NUP153: variants seen among roughly 807,000 people sequenced by gnomAD.
NUP153 encodes the protein nucleoporin 153, also known as nuclear pore complex protein Nup153.
A neutral mutation model predicts 134.6 loss-of-function variants in NUP153; 27 were observed. The observed-to-expected ratio is 0.20, with a 90% confidence interval of 0.15 to 0.28. The LOEUF is 0.28. Ranked by LOEUF, NUP153 falls within the 10% of genes least tolerant of loss-of-function variation. The pLI, the probability that NUP153 is intolerant of heterozygous loss-of-function variation, is 1.00. For synonymous variants in NUP153, 640 were observed against 623.5 expected, an observed-to-expected ratio of 1.03 and a Z score of -0.40; for missense variants, 1,821 against 1,731.3, an observed-to-expected ratio of 1.05 and a Z score of -0.92.
intron 2 of NUP153, among the ~76,000 whole-genome samples, chr6:17,681,136 T>C (rs546273237): frequency 1.9e-4 from 29 of 151,818 alleles, no homozygotes; most frequent in African/African-American, 6.5e-4. Context: ...TAGATGGAAC[T>C]GCAGAACATC....
At chr6:17,704,607 G>T (rs1770353019) in intron 1 of NUP153, among the ~76,000 whole-genome samples, 1 of 151,986 alleles carries the variant, frequency 6.6e-6, no homozygotes, top group South Asian at 2.1e-4. Flanking sequence ...GGGGAAAACT[G>T]GTGGGAGTAG....
Position 17,624,747 on chromosome 6 carries a change from T to G in NUP153, c.3988A>C (p.Ser1330Arg). 1 of 1,614,176 alleles carries G rather than the reference T, an allele frequency of 6.2e-7. No individual in the cohort carries two copies. The highest frequency in any genetic ancestry group is 2.2e-5 in the East Asian group (1 of 44,878). The part of the protein sequence containing the change: ...GANQTPTFGQ[S>R]QGASQPNPPG... ...GGATTGGGCTGGCTGGCACCTTGACTTTGTCCAAATGTTGGGGTCTGGTTA... is the reference window on the plus strand; with the variant it reads ...GGATTGGGCTGGCTGGCACCTTGACGTTGTCCAAATGTTGGGGTCTGGTTA... Residue 1330 changes from serine to arginine, a missense_variant, in exon 20 of 22, where the codon AGT becomes CGT. Ser to Arg is a moderately radical substitution (Grantham distance 110, BLOSUM62 -1). Coordinates refer to ENST00000262077, the MANE Select transcript of NUP153 (RefSeq NM_005124.4).
intron 1 of NUP153, among the ~76,000 whole-genome samples, chr6:17,702,691 G>A (rs548632393): frequency 2.6e-5 from 4 of 151,676 alleles, no homozygotes; most frequent in Admixed American, 1.3e-4. Context: ...AAAGAAAGGA[G>A]AAAAGAAAAA....
chr6:17,637,016 A>T, intron 16 of NUP153, 137 bp downstream of exon 16: 1 of 830,138 alleles, frequency 1.2e-6, no homozygotes, highest in South Asian at 1.9e-5. Context: ...AGACATTTTT[A>T]CCTCAAGATA....
chr6:17,669,381 T>C (rs774116743), intron 6 of NUP153, 44 bp from the exon 7 acceptor site: 9 of 1,597,204 alleles, frequency 5.6e-6, no homozygotes, highest in Admixed American at 1.7e-5. Context: ...TTTTCAATAA[T>C]ATCAAGTTTT....
At chr6:17,670,262 G>A (rs1021916147) in intron 5 of NUP153, among the ~76,000 whole-genome samples, 8 of 152,044 alleles carry the variant, frequency 5.3e-5, no homozygotes, top group Non-Finnish European at 8.8e-5. Context: ...ATATATGGGA[G>A]AATAAACAGG....
intron 11 of NUP153, among the ~76,000 whole-genome samples, chr6:17,660,452 T>C (rs1313382526): frequency 6.6e-6 from 1 of 152,086 alleles, no homozygotes; most frequent in African/African-American, 2.4e-5. Flanking sequence ...GAGCAATATA[T>C]AGACAGAAAG....
At position 17,625,904 on chromosome 6, in the gene NUP153, C is replaced by G. The variant is rs866183953; in HGVS notation, c.3805G>C (p.Ala1269Pro). The change falls in exon 19 of 22, where the codon GCT (alanine) becomes CCT (proline). Residue 1269 changes from alanine to proline, a missense_variant. Physicochemically the swap from Ala to Pro is conservative, Grantham distance 27. Coordinates refer to ENST00000262077, the MANE Select transcript of NUP153 (RefSeq NM_005124.4). The surrounding 1 kb of genome is among the most constrained non-coding windows in gnomAD (Gnocchi z 4.7). Reference sequence around the variant, plus strand: ...GGACCAAAGACAAATGGGGTGACAGCTGTACCTGTGCTGGATGTGGTTGCT... The same window carrying G: ...GGACCAAAGACAAATGGGGTGACAGGTGTACCTGTGCTGGATGTGGTTGCT... ...KLATTSSTGT[A>P]VTPFVFGPGA... The G allele has an allele frequency of 6.2e-7, 1 of 1,614,190 alleles. No homozygotes were observed.
intron 2 of NUP153, among the ~76,000 whole-genome samples, chr6:17,679,758 A>T (rs562903995): frequency 6.6e-6 from 1 of 152,304 alleles, no homozygotes; most frequent in African/African-American, 2.4e-5. Context: ...ACACATGCTA[A>T]CCCTGAGGCT....
intron 2 of NUP153, among the ~76,000 whole-genome samples, chr6:17,682,045 T>C (rs566622968): frequency 2.0e-5 from 3 of 152,138 alleles, no homozygotes; most frequent in Middle Eastern, 3.4e-3. Context: ...TCACGTCTAC[T>C]AAAAATTTTT....
chr6:17,677,068 G>C (rs1000330326), intron 2 of NUP153, among the ~76,000 whole-genome samples: 27 of 152,226 alleles, frequency 1.8e-4, no homozygotes, highest in Admixed American at 1.6e-3. Context: ...TGTACCAAAA[G>C]GTTCGCCCTT....
intron 8 of NUP153, among the ~76,000 whole-genome samples, chr6:17,666,748 T>C (rs187830444): frequency 2.0e-5 from 3 of 152,306 alleles, no homozygotes; most frequent in Admixed American, 6.5e-5. Flanking sequence ...AACTGAAACA[T>C]AGTAAAAATC....
At position 17,629,175 on chromosome 6, in the gene NUP153, T is replaced by C. The variant is rs768947158; in HGVS notation, c.3024A>G (p.Glu1008=). Residue 1008 remains glutamate, a synonymous_variant, in exon 18 of 22, where the codon GAA becomes GAG. Coordinates refer to ENST00000262077, the MANE Select transcript of NUP153 (RefSeq NM_005124.4). The part of the protein sequence containing the change: ...FQFGVSNLGQ[E]EKKEELPKSS... The stretch of plus-strand genomic sequence containing the variant: ...ATTTGGGCAGTTCCTCTTTCTTTTC[T>C]TCCTGTCCAAGATTAGATACCCCAA... The C allele has an allele frequency of 3.7e-6, 6 of 1,613,290 alleles. No individual in the cohort carries two copies. Among genetic ancestry groups the C allele is most frequent in the South Asian group, 1.1e-5 (1 of 90,816 alleles).
At chr6:17,694,988 A>G (rs1305465673) in intron 1 of NUP153, among the ~76,000 whole-genome samples, 1 of 151,816 alleles carries the variant, frequency 6.6e-6, no homozygotes, top group Non-Finnish European at 1.5e-5. Flanking sequence ...CAAGGAAAAA[A>G]AAAAAGAGAG....
At chr6:17,673,870 G>A (rs187466843) in intron 5 of NUP153, among the ~76,000 whole-genome samples, 1 of 152,258 alleles carries the variant, frequency 6.6e-6, no homozygotes, top group African/African-American at 2.4e-5. Context: ...GTATTTACCT[G>A]AGATGAAAAT....
intron 2 of NUP153, among the ~76,000 whole-genome samples, chr6:17,682,954 C>G (rs1435032610): frequency 6.7e-6 from 1 of 148,262 alleles, no homozygotes; most frequent in African/African-American, 2.5e-5. Flanking sequence ...ACTTTCTTTG[C>G]GCATCCACAA....
chr6:17,674,974 A>G lies in NUP153; in HGVS notation c.783T>C (p.Pro261=). The G allele has an allele frequency of 6.2e-7, 1 of 1,613,652 alleles. No homozygotes were observed. Among genetic ancestry groups the G allele is most frequent in the Non-Finnish European group, 8.5e-7 (1 of 1,179,696 alleles). Residue 261 remains proline, a synonymous_variant, in exon 5 of 22, where the codon CCT becomes CCC. Coordinates refer to ENST00000262077, the MANE Select transcript of NUP153 (RefSeq NM_005124.4). ...CTGCCCCACCGTATGTTGTTTTTCC[A>G]GGATAAAAAGGAGAATCTCCAAGCT... ...TSQLGDSPFY[P]GKTTYGGAAA...
chr6:17,670,418 T>C (rs1232094403), intron 5 of NUP153, among the ~76,000 whole-genome samples: 1 of 152,172 alleles, frequency 6.6e-6, no homozygotes, highest in Non-Finnish European at 1.5e-5. Flanking sequence ...CGCTTATTAG[T>C]TGTGGTGGCT....
chr6:17,657,399 A>T (rs1561880705), intron 11 of NUP153, among the ~76,000 whole-genome samples: 7 of 149,144 alleles, frequency 4.7e-5, no homozygotes, highest in African/African-American at 1.8e-4. Flanking sequence ...AAAATAAAAA[A>T]ATAAAAAAAA....
Sources: gnomAD v4.1 joint callset for allele counts (sites outside exome capture counted in the v4.1 genomes callset) on GRCh38, gnomAD v4.1.1 for gene constraint, Gnocchi (gnomAD v3.1) non-coding constraint, MANE v1.5 for transcripts, NCBI Gene and HGNC (gene_info 2026-07-23, HGNC 2026-07-21) for gene names.